The following SGIP1 variants were observed in gnomAD, a reference collection of about 807,000 sequenced individuals.
SGIP1 encodes SH3-containing GRB2-like protein 3-interacting protein 1.
A neutral mutation model predicts 107.5 loss-of-function variants in SGIP1; 38 were observed. The observed-to-expected ratio is 0.35, with a 90% CI of 0.27 to 0.46. The LOEUF (loss-of-function observed/expected upper bound fraction) is 0.46, where lower values mean the gene tolerates loss of function less well. Among genes scored for constraint, SGIP1 ranks in the 20% least tolerant of loss-of-function variants. The pLI is 1.00. For missense variants in SGIP1, 929 were observed against 1,019.5 expected (o/e 0.91, Z 1.21); for synonymous variants, 365 against 366.1 (o/e 1.00, Z 0.03).
At chr1:66,729,535 G>T in intron 20 of SGIP1, 116 bp downstream of exon 20, 1 of 1,308,348 alleles carries the variant, frequency 7.6e-7, no homozygotes, top group Non-Finnish European at 1.1e-6. Flanking sequence ...CCACCACTCA[G>T]ATATATTTGT....
At chr1:66,692,930 T>G (rs1571906028) in intron 17 of SGIP1, among the ~76,000 whole-genome samples, 1 of 152,270 alleles carries the variant, frequency 6.6e-6, no homozygotes, top group African/African-American at 2.4e-5. Flanking sequence ...ATTGTCACAC[T>G]CGAATGAAGA....
Position 66,676,896 on chromosome 1 carries a change from CAA to C in SGIP1, c.647-107_647-106del, listed in dbSNP as rs2085501009. 2 of 815,438 alleles carry C rather than the reference CAA, an allele frequency of 2.5e-6. 1 individual carries two copies. Among genetic ancestry groups the C allele is most frequent in the Non-Finnish European group, 3.9e-6 (2 of 515,194 alleles). 50.5% of individuals were successfully genotyped at this position (815,438 alleles called of 1,614,324 possible). On this transcript the variant is annotated intron_variant, in intron 12 of 24. Coordinates refer to ENST00000371037, the MANE Select transcript of SGIP1 (RefSeq NM_032291.4). ...CTAAGTTAATTTTTTAGTACTGAGA[CAA>C]GAGGAAAATAATTTTGTAAAGCTCA...
At chr1:66,593,843 T>C (rs1315180357) in intron 1 of SGIP1, among the ~76,000 whole-genome samples, 2 of 152,188 alleles carry the variant, frequency 1.3e-5, no homozygotes, top group Non-Finnish European at 2.9e-5. Flanking sequence ...GCCAAGTTTT[T>C]CTTTTTAAAA....
At chr1:66,645,733 A>C (rs1444179698) in intron 7 of SGIP1, among the ~76,000 whole-genome samples, 1 of 152,232 alleles carries the variant, frequency 6.6e-6, no homozygotes, top group Non-Finnish European at 1.5e-5. Flanking sequence ...CTGGATGTAC[A>C]TGAGTTTAAA....
chr1:66,658,904 C>A (rs913070098), intron 7 of SGIP1, among the ~76,000 whole-genome samples: 1 of 152,052 alleles, frequency 6.6e-6, no homozygotes, highest in Non-Finnish European at 1.5e-5. Context: ...TGTTACTGAC[C>A]TTGAAGAATG....
chr1:66,700,017 AC>A, intron 18 of SGIP1, among the ~76,000 whole-genome samples: 1 of 152,308 alleles, frequency 6.6e-6, no homozygotes, highest in East Asian at 1.9e-4. Context: ...TGCACAACTC[AC>A]TGATGCAGAA....
At chr1:66,546,612 G>A (rs1043019954) in intron 1 of SGIP1, among the ~76,000 whole-genome samples, 3 of 152,204 alleles carry the variant, frequency 2.0e-5, no homozygotes, top group African/African-American at 7.2e-5. Context: ...AAGGAGTCTT[G>A]TGGTACGGTA....
At chr1:66,631,101 A>AAGAT (rs1396705371) in intron 2 of SGIP1, among the ~76,000 whole-genome samples, 2 of 108,852 alleles carry the variant, frequency 1.8e-5, no homozygotes, top group Non-Finnish European at 4.4e-5. Flanking sequence ...GAAAGAAAGA[A>AAGAT]AAAAAGAAAG....
chr1:66,740,573 T>A, intron 22 of SGIP1, 85 bp from the exon 23 acceptor site: 1 of 822,694 alleles, frequency 1.2e-6, no homozygotes, highest in East Asian at 2.6e-5. Context: ...TTTTAAAAAA[T>A]TAATACTATC....
At chr1:66,739,238 T>C (rs1015336943) in intron 21 of SGIP1, 97 bp from the exon 22 acceptor site, 1 of 1,350,652 alleles carries the variant, frequency 7.4e-7, no homozygotes, top group Non-Finnish European at 1.0e-6. Context: ...TCACTCACGG[T>C]TGCTTGTGAG....
chr1:66,544,931 A>G (rs558757040), intron 1 of SGIP1, among the ~76,000 whole-genome samples: 18 of 152,218 alleles, frequency 1.2e-4, no homozygotes, highest in African/African-American at 4.1e-4. Context: ...TTGAAGAACT[A>G]TGTCTACCAG....
intron 13 of SGIP1, among the ~76,000 whole-genome samples, chr1:66,679,225 C>T (rs1161627357): frequency 1.3e-5 from 2 of 152,192 alleles, no homozygotes; most frequent in African/African-American, 4.8e-5. Context: ...TTAAAAACCC[C>T]TCACAGGAGC....
At chr1:66,675,485 A>G (rs1471240200) in intron 12 of SGIP1, among the ~76,000 whole-genome samples, 1 of 107,402 alleles carries the variant, frequency 9.3e-6, no homozygotes, top group Non-Finnish European at 2.0e-5. Flanking sequence ...CTTTAGATTG[A>G]TTTTTCTTTT....
At chr1:66,625,938 G>A (rs757052206) in intron 2 of SGIP1, 28 bp downstream of exon 2, 5 of 1,587,460 alleles carry the variant, frequency 3.1e-6, no homozygotes, top group South Asian at 2.3e-5. Flanking sequence ...TTGCCTCCTC[G>A]AAGAAGCTAT....
intron 14 of SGIP1, 31 bp downstream of exon 14, chr1:66,679,783 AT>A (rs1334244864): frequency 3.8e-6 from 6 of 1,567,654 alleles, no homozygotes; most frequent in Non-Finnish European, 5.2e-6. Flanking sequence ...TTCTGGGATG[AT>A]GTGTCAAACA....
rs145373755 is a variant in SGIP1 at position 66,643,727 on chromosome 1, T to TTGTGTGTG, written c.459+16_459+23dup. On this transcript the variant is annotated intron_variant, in intron 7 of 24. Transcript: ENST00000371037. ...CTTTCCCCATCACCAGTGGTGAGTG[T>TTGTGTGTG]TGTGTGTGTGTGTGTTAAGCTTTAG... The TTGTGTGTG allele has an allele frequency of 6.3e-7, 1 of 1,586,962 alleles. No homozygotes were observed. Among genetic ancestry groups the TTGTGTGTG allele is most frequent in the Non-Finnish European group, 8.6e-7 (1 of 1,167,046 alleles).
chr1:66,583,536 T>A (rs911960512), intron 1 of SGIP1, among the ~76,000 whole-genome samples: 3 of 152,140 alleles, frequency 2.0e-5, no homozygotes, highest in Non-Finnish European at 1.5e-5. Flanking sequence ...AAATACAAGT[T>A]CCTTAGTTCA....
intron 1 of SGIP1, among the ~76,000 whole-genome samples, chr1:66,600,940 ATTTAGACTCGTT>A (rs2065679170): frequency 6.6e-6 from 1 of 152,224 alleles, no homozygotes; most frequent in Non-Finnish European, 1.5e-5. Context: ...AACCTTACTA[ATTTAGACTCGTT>A]TTTGAAAATT....
chr1:66,721,809 T>C (rs997528109), intron 19 of SGIP1, among the ~76,000 whole-genome samples: 2 of 152,184 alleles, frequency 1.3e-5, no homozygotes, highest in African/African-American at 4.8e-5. Flanking sequence ...CTTTGTCTGC[T>C]TCCTAATTGG....
Sources: gnomAD v4.1 joint callset for allele counts (sites outside exome capture counted in the v4.1 genomes callset) on GRCh38, gnomAD v4.1.1 for gene constraint, MANE v1.5 for transcripts, NCBI Gene and HGNC (gene_info 2026-07-23, HGNC 2026-07-21) for gene names.